Variants in TCF7L1 observed in about 807,000 individuals in gnomAD.
The protein encoded by TCF7L1 is transcription factor 7 like 1, also known as transcription factor 7-like 1.
A neutral mutation model predicts 63.7 loss-of-function variants in TCF7L1; 18 were observed. That is an observed-to-expected ratio of 0.28 (90% CI 0.20 to 0.42). The LOEUF (loss-of-function observed/expected upper bound fraction) is 0.42, where lower values mean the gene tolerates loss of function less well. Among genes scored for constraint, TCF7L1 ranks in the 10% least tolerant of loss-of-function variants. The pLI, the probability that TCF7L1 is intolerant of heterozygous loss-of-function variation, is 1.00. For synonymous variants in TCF7L1, 355 were observed against 340.9 expected (o/e 1.04, Z -0.46); for missense variants, 654 against 779.3 (o/e 0.84, Z 1.91).
At position 85,305,375 on chromosome 2, in the gene TCF7L1, C is replaced by A. The variant is rs754142332; in HGVS notation, c.961C>A (p.Pro321Thr). The stretch of plus-strand genomic sequence containing the variant: ...CCCCATCGTCAAGCAGGAACCGGCA[C>A]CCCCCAGCCTGAGCCCTGCAGTGAG... ...VSPIVKQEPA[P>T]PSLSPAVSVK... Residue 321 changes from proline (P) to threonine (T), a missense_variant, in exon 8 of 12, where the codon CCC (proline) becomes ACC (threonine). Physicochemically the swap from Pro to Thr is conservative, Grantham distance 38. This residue lies in a region of TCF7L1 where 404 missense variants were observed against 454.8 expected (regional missense o/e 0.89). Transcript: ENST00000282111. 4 of 1,612,738 alleles carry A rather than the reference C, an allele frequency of 2.5e-6. No homozygotes were observed. The African/African-American group carries it at 5.3e-5, about 22-fold the overall frequency.
At chr2:85,308,639 C>G (rs574667218) in intron 11 of TCF7L1, among the ~76,000 whole-genome samples, 2 of 151,896 alleles carry the variant, frequency 1.3e-5, no homozygotes, top group African/African-American at 4.8e-5. Flanking sequence ...CCCGTACCTG[C>G]TACAGAACCC....
At chr2:85,202,468 A>G (rs935074905) in intron 3 of TCF7L1, among the ~76,000 whole-genome samples, 4 of 152,278 alleles carry the variant, frequency 2.6e-5, no homozygotes, top group Middle Eastern at 3.4e-3. Context: ...TAATTTAGCT[A>G]TATTTTCTGT....
rs762507102 is a variant in TCF7L1, at chr2:85,304,259, G to C, written c.766G>C (p.Gly256Arg). The change falls in exon 7 of 12, where the codon GGC becomes CGC. Residue 256 changes from glycine (G) to arginine (R), a missense_variant. By Grantham distance (125) the Gly-to-Arg change is moderately radical (BLOSUM62 -2). This residue lies in a region of TCF7L1 where 404 missense variants were observed against 454.8 expected (regional missense o/e 0.89). Coordinates refer to ENST00000282111, the MANE Select transcript of TCF7L1 (RefSeq NM_031283.3). The part of the protein sequence containing the change: ...HPLGWLVPQQ[G>R]QPMYSLPPGG... The stretch of plus-strand genomic sequence containing the variant: ...CAGATTTCCTCCCCCTCACAGGCAA[G>C]GCCAGCCCATGTACTCCCTTCCTCC... 3.7e-5 allele frequency: 60 copies of C among 1,613,452 alleles called. No homozygotes were observed. Among genetic ancestry groups the C allele is most frequent in the Non-Finnish European group, 4.9e-5 (58 of 1,179,778 alleles).
At chr2:85,222,246 CAGG>C (rs1442875042) in intron 3 of TCF7L1, among the ~76,000 whole-genome samples, 2 of 150,668 alleles carry the variant, frequency 1.3e-5, no homozygotes, top group Non-Finnish European at 3.0e-5. Context: ...GAGGCTGAGG[CAGG>C]AGAATCGCTT....
At chr2:85,142,160 C>T (rs1677751667) in intron 3 of TCF7L1, among the ~76,000 whole-genome samples, 1 of 152,014 alleles carries the variant, frequency 6.6e-6, no homozygotes, top group South Asian at 2.1e-4. Context: ...GGTGTGGTGG[C>T]TCATGCCTGT....
At chr2:85,142,382 C>T (rs1677756717) in intron 3 of TCF7L1, among the ~76,000 whole-genome samples, 1 of 150,180 alleles carries the variant, frequency 6.7e-6, no homozygotes, top group African/African-American at 2.5e-5. Flanking sequence ...CACGCCACTG[C>T]ACTCCAGCCT....
intron 4 of TCF7L1, among the ~76,000 whole-genome samples, chr2:85,288,966 C>T (rs1002801504): frequency 3.3e-5 from 5 of 152,102 alleles, no homozygotes; most frequent in Admixed American, 1.3e-4. Flanking sequence ...TTGTAATGCT[C>T]GGGAGCATTT....
At chr2:85,243,943 C>G (rs1680401943) in intron 3 of TCF7L1, among the ~76,000 whole-genome samples, 1 of 152,200 alleles carries the variant, frequency 6.6e-6, no homozygotes, top group Non-Finnish European at 1.5e-5. Flanking sequence ...AACGAACAGG[C>G]AAACTGTGGG....
chr2:85,156,897 A>C lies in TCF7L1; in HGVS notation c.441+22447A>C, dbSNP rs1678160179. ...TTTGGTTAGAAATATTTTGGTTAGA[A>C]ATATTTTGGTTAGACTTGGGTGGGG... On this transcript the variant is annotated intron_variant, in intron 3 of 11. Transcript: ENST00000282111. 2.0e-5 allele frequency among the ~76,000 whole-genome samples: 3 copies of C among 152,138 alleles called. No homozygotes were observed. The South Asian group carries it at 6.4e-4, about 32-fold the overall frequency.
chr2:85,176,347 G>A (rs1479301818), intron 3 of TCF7L1, among the ~76,000 whole-genome samples: 1 of 152,226 alleles, frequency 6.6e-6, no homozygotes, highest in African/African-American at 2.4e-5. Flanking sequence ...GTGTCTGCAG[G>A]TAGATGATTA....
intron 4 of TCF7L1, among the ~76,000 whole-genome samples, chr2:85,286,986 C>A (rs1681576275): frequency 6.6e-6 from 1 of 152,180 alleles, no homozygotes; most frequent in Non-Finnish European, 1.5e-5. Context: ...CCCATTCTTC[C>A]TTTTGCACAG....
chr2:85,298,572 TAGAAACAGAC>T (rs1390663763), intron 4 of TCF7L1, among the ~76,000 whole-genome samples: 1 of 151,280 alleles, frequency 6.6e-6, no homozygotes. Context: ...GTACCAACTC[TAGAAACAGAC>T]TGAAATAGAC....
intron 3 of TCF7L1, among the ~76,000 whole-genome samples, chr2:85,241,626 G>A (rs1680334957): frequency 6.6e-6 from 1 of 151,820 alleles, no homozygotes; most frequent in South Asian, 2.1e-4. Context: ...TATATTTTTA[G>A]TAGAGACAGG....
intron 3 of TCF7L1, among the ~76,000 whole-genome samples, chr2:85,162,789 G>A (rs1382723688): frequency 6.6e-6 from 1 of 152,146 alleles, no homozygotes; most frequent in Non-Finnish European, 1.5e-5. Flanking sequence ...TGGGCATTTG[G>A]TTCTGGTTCA....
At chr2:85,295,775 CTTTTTTT>C (rs56373561) in intron 4 of TCF7L1, among the ~76,000 whole-genome samples, 22 of 100,882 alleles carry the variant, frequency 2.2e-4, no homozygotes, top group African/African-American at 9.0e-4. Context: ...GTAACATTTA[CTTTTTTT>C]TTTTTTTTTT....
At chr2:85,276,175 T>G (rs1028037846) in intron 3 of TCF7L1, among the ~76,000 whole-genome samples, 1 of 152,240 alleles carries the variant, frequency 6.6e-6, no homozygotes, top group African/African-American at 2.4e-5. Flanking sequence ...CTAAAAATGT[T>G]TTCCCAATTG....
At chr2:85,228,800 G>A (rs1449458093) in intron 3 of TCF7L1, among the ~76,000 whole-genome samples, 2 of 151,214 alleles carry the variant, frequency 1.3e-5, no homozygotes, top group African/African-American at 4.9e-5. Context: ...CAGATCATGA[G>A]GTCAGGAGAT....
intron 3 of TCF7L1, among the ~76,000 whole-genome samples, chr2:85,217,979 C>A (rs1363315788): frequency 6.6e-6 from 1 of 151,922 alleles, no homozygotes; most frequent in Non-Finnish European, 1.5e-5. Flanking sequence ...TAATTTTTTT[C>A]TTTTTTGTCT....
intron 3 of TCF7L1, among the ~76,000 whole-genome samples, chr2:85,159,975 A>G (rs1328495848): frequency 6.6e-6 from 1 of 152,166 alleles, no homozygotes; most frequent in African/African-American, 2.4e-5. Flanking sequence ...CACCTGGGAC[A>G]CTGTCACATG....
Sources: gnomAD v4.1 joint callset for allele counts (sites outside exome capture counted in the v4.1 genomes callset) on GRCh38, gnomAD v4.1.1 for gene constraint, gnomAD v4.1.1 regional missense constraint, MANE v1.5 for transcripts, NCBI Gene and HGNC (gene_info 2026-07-23, HGNC 2026-07-21) for gene names.